The following HLCS variants were observed in gnomAD, a reference collection of about 807,000 sequenced individuals.
HLCS encodes holocarboxylase synthetase.
HLCS carries 53 observed loss-of-function variants against 75.0 expected under a neutral mutation model. The ratio of observed to expected loss-of-function variants is 0.71; its 90% confidence interval spans 0.57 to 0.89. The LOEUF (loss-of-function observed/expected upper bound fraction) is 0.89. Ranked by LOEUF, HLCS falls within the 40% of genes least tolerant of loss-of-function variation. The pLI, the probability that HLCS is intolerant of heterozygous loss-of-function variation, is 0.00. For missense variants in HLCS, 966 were observed against 1,074.0 expected, an observed-to-expected ratio of 0.90 and a Z score of 1.41; for synonymous variants, 431 against 428.6, an observed-to-expected ratio of 1.01 and a Z score of -0.07.
intron 6 of HLCS, among the ~76,000 whole-genome samples, chr21:36,854,628 C>T (rs879879500): frequency 1.3e-5 from 2 of 152,110 alleles, no homozygotes; most frequent in African/African-American, 2.4e-5. Flanking sequence ...GACCCCATAG[C>T]GAGGTCCTCT....
At chr21:36,878,226 A>G (rs759405508) in intron 6 of HLCS, among the ~76,000 whole-genome samples, 3 of 152,048 alleles carry the variant, frequency 2.0e-5, no homozygotes, top group Non-Finnish European at 2.9e-5. Flanking sequence ...TAGGTCCCTG[A>G]GGCTCTGTTT....
At chr21:36,961,748 G>A (rs1361020908) in intron 2 of HLCS, among the ~76,000 whole-genome samples, 1 of 152,014 alleles carries the variant, frequency 6.6e-6, no homozygotes, top group Non-Finnish European at 1.5e-5. Flanking sequence ...GAGGTCAGGA[G>A]TTCAAGACCA....
intron 6 of HLCS, among the ~76,000 whole-genome samples, chr21:36,805,713 T>C (rs2061342279): frequency 6.6e-6 from 1 of 152,152 alleles, no homozygotes; most frequent in African/African-American, 2.4e-5. Context: ...ATCCAGAGTA[T>C]ACTTTTACTA....
At chr21:36,921,684 T>C (rs2066174761) in intron 5 of HLCS, among the ~76,000 whole-genome samples, 1 of 152,078 alleles carries the variant, frequency 6.6e-6, no homozygotes, top group African/African-American at 2.4e-5. Context: ...AGAATCTGAA[T>C]CTCAGCCTCG....
intron 6 of HLCS, among the ~76,000 whole-genome samples, chr21:36,840,290 T>TA (rs869092084): frequency 6.6e-6 from 1 of 152,188 alleles, no homozygotes; most frequent in Non-Finnish European, 1.5e-5. Flanking sequence ...GGTGAATATT[T>TA]AAAAAAATTT....
intron 10 of HLCS, among the ~76,000 whole-genome samples, chr21:36,755,249 T>A (rs1260892132): frequency 1.3e-5 from 2 of 151,922 alleles, no homozygotes; most frequent in African/African-American, 2.4e-5. Context: ...AATTTTTTTT[T>A]AAATTAGCGG....
intron 5 of HLCS, among the ~76,000 whole-genome samples, chr21:36,919,730 G>C (rs973999307): frequency 2.6e-5 from 4 of 152,180 alleles, no homozygotes; most frequent in African/African-American, 9.7e-5. Context: ...AGTAAAATTA[G>C]AGAATTAGCC....
At chr21:36,959,786 G>GCT (rs961869347) in intron 2 of HLCS, among the ~76,000 whole-genome samples, 2 of 152,204 alleles carry the variant, frequency 1.3e-5, no homozygotes, top group African/African-American at 4.8e-5. Context: ...TCTCTGCCTT[G>GCT]CTCACCCTCC....
chr21:36,977,467 G>GT (rs952489694), intron 1 of HLCS, among the ~76,000 whole-genome samples: 23 of 152,304 alleles, frequency 1.5e-4, no homozygotes, highest in Admixed American at 5.9e-4. Flanking sequence ...CCTAACAATC[G>GT]TGACTCATTT....
Position 36,989,046 on chromosome 21 carries a change from A to ATT in HLCS, c.-393+1110_-393+1111dup, listed in dbSNP as rs200491229. On this transcript the variant is annotated intron_variant, in intron 1 of 11. Transcript: ENST00000336648. ...TTTTATTTTATTTATTTATTTATTT[A>ATT]TTTTTTTTGAGACAGGGTCTCACTC... Among the ~76,000 whole-genome samples the ATT allele has an allele frequency of 5.0e-4, 72 of 142,684 alleles. 1 individual carries two copies. The highest frequency in any genetic ancestry group is 1.7e-3 in the African/African-American group (69 of 39,604). The allele number at this position is 142,684 out of a possible 152,430, so 93.6% of individuals were successfully genotyped here.
At chr21:36,833,144 C>T (rs1406985006) in intron 6 of HLCS, among the ~76,000 whole-genome samples, 1 of 152,056 alleles carries the variant, frequency 6.6e-6, no homozygotes, top group African/African-American at 2.4e-5. Flanking sequence ...GCTCAGCTTC[C>T]CAACCTGCTG....
intron 6 of HLCS, among the ~76,000 whole-genome samples, chr21:36,834,615 G>A (rs1024742145): frequency 2.6e-5 from 4 of 152,224 alleles, no homozygotes; most frequent in African/African-American, 9.6e-5. Context: ...GAGTGCAGTG[G>A]CACGATCTTG....
intron 2 of HLCS, among the ~76,000 whole-genome samples, chr21:36,960,272 C>T (rs966331124): frequency 1.3e-5 from 2 of 152,004 alleles, no homozygotes; most frequent in African/African-American, 4.8e-5. Context: ...GGAATAAGAC[C>T]AGTGGGCACA....
At position 36,912,905 on chromosome 21, in the gene HLCS, G is replaced by A. The variant is rs535658540; in HGVS notation, c.1621-15774C>T. On this transcript the variant is annotated intron_variant, in intron 5 of 10. Transcript: ENST00000674895. The stretch of plus-strand genomic sequence containing the variant: ...TATCACTAAGAGAGGCCACTCAAAG[G>A]ACCTCTCAGAACAAAAGTCATTTCC... Among the ~76,000 whole-genome samples, 39 of 152,198 alleles carry A rather than the reference G, an allele frequency of 2.6e-4. 2 individuals are homozygous for A. The South Asian group carries it at 7.9e-3, about 31-fold the overall frequency.
rs145088594 is a variant in HLCS, at chr21:36,889,341, C to A, written c.1892+7519G>T. On this transcript the variant is annotated intron_variant, in intron 6 of 10. Coordinates refer to ENST00000674895, the MANE Select transcript of HLCS (RefSeq NM_001352514.2). The stretch of plus-strand genomic sequence containing the variant: ...ATGCCCATCTGCTCACCACACACTG[C>A]GGTTTCACGTCATTTCACTCTCTGA... Among the ~76,000 whole-genome samples the A allele has an allele frequency of 2.0e-3, 298 of 152,322 alleles. 2 individuals carry two copies. The highest frequency in any genetic ancestry group is 6.4e-3 in the African/African-American group (264 of 41,558).
intron 6 of HLCS, among the ~76,000 whole-genome samples, chr21:36,881,898 G>A (rs1042588453): frequency 6.6e-6 from 1 of 152,194 alleles, no homozygotes; most frequent in Admixed American, 6.5e-5. Context: ...AGCTACTAGG[G>A]AGGCTGAGGC....
At chr21:36,768,358 G>C (rs7275269) in intron 6 of HLCS, among the ~76,000 whole-genome samples, 6,846 of 152,292 alleles carry the variant, frequency 0.045, 542 homozygotes, top group African/African-American at 0.16. Context: ...GAGCGCTAGA[G>C]AAAGACCACG....
intron 6 of HLCS, among the ~76,000 whole-genome samples, chr21:36,776,772 T>C (rs1362194666): frequency 6.6e-6 from 1 of 152,152 alleles, no homozygotes; most frequent in Non-Finnish European, 1.5e-5. Context: ...GGTCAGAGAG[T>C]AAATACTGTA....
At position 36,754,123 on chromosome 21, in the gene HLCS, C is replaced by T; in HGVS notation, c.*123G>A. 9.3e-7 allele frequency: 1 copy of T among 1,071,502 alleles called. No homozygotes were observed. Among genetic ancestry groups the T allele is most frequent in the East Asian group, 2.6e-5 (1 of 38,730 alleles). The allele number at this position is 1,071,502 out of a possible 1,614,324, so 66.4% of individuals were successfully genotyped here. A position where few individuals can be genotyped will look rare whatever the true frequency, so the allele number is the denominator to read the frequency against. On this transcript the variant is annotated 3_prime_UTR_variant, in exon 11 of 11. Coordinates refer to ENST00000674895, the MANE Select transcript of HLCS (RefSeq NM_001352514.2). Reference sequence around the variant, plus strand: ...AAACAAACCTAAAAACAAACAGAAACACAGAAAAAGAACAAAGACTTAACA... The same window carrying T: ...AAACAAACCTAAAAACAAACAGAAATACAGAAAAAGAACAAAGACTTAACA...
Sources: gnomAD v4.1 joint callset for allele counts (sites outside exome capture counted in the v4.1 genomes callset) on GRCh38, gnomAD v4.1.1 for gene constraint, MANE v1.5 for transcripts, NCBI Gene and HGNC (gene_info 2026-07-23, HGNC 2026-07-21) for gene names.